MITF: variants seen among roughly 807,000 people sequenced by gnomAD.
The protein encoded by MITF is melanocyte inducing transcription factor, also known as microphthalmia-associated transcription factor.
A neutral mutation model predicts 60.5 loss-of-function variants in MITF; 17 were observed. The observed-to-expected ratio is 0.28, with a 90% confidence interval of 0.19 to 0.42. The LOEUF (loss-of-function observed/expected upper bound fraction) is 0.42. Among genes scored for constraint, MITF ranks in the 10% least tolerant of loss-of-function variants. The probability of loss-of-function intolerance (pLI) is 1.00; values close to 1 mark genes in which losing one functional copy is unlikely to be tolerated. For missense variants in MITF, 622 were observed against 683.5 expected (o/e 0.91, Z 1.00); for synonymous variants, 260 against 248.5 (o/e 1.05, Z -0.43).
intron 1 of MITF, among the ~76,000 whole-genome samples, chr3:69,793,953 G>T (rs1467606086): frequency 6.6e-6 from 1 of 152,184 alleles, no homozygotes; most frequent in African/African-American, 2.4e-5. Context: ...AATGAGGCAG[G>T]AATGCCATTT....
chr3:69,861,811 GGC>G (rs1229416108), intron 1 of MITF, among the ~76,000 whole-genome samples: 4 of 152,168 alleles, frequency 2.6e-5, no homozygotes, highest in Non-Finnish European at 4.4e-5. Flanking sequence ...GTGAGTGTGA[GGC>G]CATCTGGACA....
intron 1 of MITF, among the ~76,000 whole-genome samples, chr3:69,820,912 CGT>C (rs5849923): frequency 0.34 from 50,979 of 150,722 alleles, 9,570 homozygotes; most frequent in Non-Finnish European, 0.43. Flanking sequence ...AGCATTTACT[CGT>C]GTGTGTGTGT....
chr3:69,797,285 T>G (rs1344909219), intron 1 of MITF, among the ~76,000 whole-genome samples: 1 of 152,186 alleles, frequency 6.6e-6, no homozygotes, highest in East Asian at 1.9e-4. Context: ...GTTCTCAGAT[T>G]GTACATATTC....
At chr3:69,852,018 C>T (rs755996925) in intron 1 of MITF, among the ~76,000 whole-genome samples, 12 of 151,924 alleles carry the variant, frequency 7.9e-5, no homozygotes, top group East Asian at 1.9e-4. Context: ...CCATCTCTTT[C>T]GGCAAACATA....
intron 1 of MITF, among the ~76,000 whole-genome samples, chr3:69,842,798 C>G (rs2063663614): frequency 6.6e-6 from 1 of 152,134 alleles, no homozygotes; most frequent in Admixed American, 6.5e-5. Context: ...ATGTCAGGAG[C>G]CCAGTGTGGA....
At chr3:69,833,903 G>A (rs1575788027) in intron 1 of MITF, among the ~76,000 whole-genome samples, 1 of 152,232 alleles carries the variant, frequency 6.6e-6, no homozygotes. Flanking sequence ...GTCTGTGAGA[G>A]CAGTAGCCAT....
rs2107478808 is a variant in MITF at position 69,937,863 on chromosome 3, G to A, written c.396G>A (p.Gln132=). 2 of 1,614,082 alleles carry A rather than the reference G, an allele frequency of 1.2e-6. No individual in the cohort carries two copies. The highest frequency in any genetic ancestry group is 1.1e-5 in the South Asian group (1 of 91,076). The change falls in exon 3 of 10, where the codon CAG becomes CAA. Residue 132 remains glutamine, a synonymous_variant. Transcript: ENST00000352241. ...AAAACCCCACCAAGTACCACATACA[G>A]CAAGCCCAACGGCAGCAGGTAAAGC... ...HLENPTKYHI[Q]QAQRQQVKQY... is the part of the protein sequence containing the mutation.
chr3:69,847,224 C>A (rs1198604015), intron 1 of MITF, among the ~76,000 whole-genome samples: 1 of 152,108 alleles, frequency 6.6e-6, no homozygotes, highest in African/African-American at 2.4e-5. Flanking sequence ...TAATGTAGTA[C>A]CCATGAGCTC....
intron 1 of MITF, chr3:69,838,494 G>T (rs1423979755): frequency 6.6e-6 from 1 of 152,600 alleles, no homozygotes; most frequent in Non-Finnish European, 1.5e-5. Context: ...ATAAAAACCA[G>T]ACGCATATGT....
chr3:69,773,653 G>A (rs1303610211), intron 1 of MITF, among the ~76,000 whole-genome samples: 1 of 152,072 alleles, frequency 6.6e-6, no homozygotes, highest in Non-Finnish European at 1.5e-5. Flanking sequence ...ATTTCTCCTT[G>A]AGTATGCATA....
intron 2 of MITF, among the ~76,000 whole-genome samples, chr3:69,879,590 T>C (rs1325854807): frequency 1.3e-5 from 2 of 152,176 alleles, no homozygotes; most frequent in Non-Finnish European, 2.9e-5. Flanking sequence ...AATCAGTAAA[T>C]GGTGGGAGTC....
At chr3:69,839,602 C>T (rs375189434) in intron 1 of MITF, among the ~76,000 whole-genome samples, 2 of 152,136 alleles carry the variant, frequency 1.3e-5, no homozygotes, top group East Asian at 3.9e-4. Context: ...CTACCCACTT[C>T]GTTTCAGCTC....
intron 1 of MITF, among the ~76,000 whole-genome samples, chr3:69,823,314 G>A (rs1438675150): frequency 6.6e-6 from 1 of 152,176 alleles, no homozygotes; most frequent in East Asian, 1.9e-4. Flanking sequence ...CCATAGACTG[G>A]TAGCTTACAC....
At chr3:69,816,149 C>T (rs543366843) in intron 1 of MITF, among the ~76,000 whole-genome samples, 125 of 152,254 alleles carry the variant, frequency 8.2e-4, no homozygotes, top group African/African-American at 2.9e-3. Flanking sequence ...TTGCCCAGGA[C>T]AGTGACATCT....
chr3:69,955,089 A>C (rs1000621517), intron 7 of MITF, among the ~76,000 whole-genome samples: 2 of 152,218 alleles, frequency 1.3e-5, no homozygotes, highest in African/African-American at 4.8e-5. Flanking sequence ...AGATTTATAA[A>C]ATAGGAATGC....
chr3:69,904,946 G>C (rs947081860), intron 2 of MITF, among the ~76,000 whole-genome samples: 1 of 152,112 alleles, frequency 6.6e-6, no homozygotes, highest in African/African-American at 2.4e-5. Flanking sequence ...TTCAATAATA[G>C]CTATTTCTTA....
At chr3:69,755,433 GTTTTTTTTTTTTTTTTTTTTTT>G (rs542141862) in intron 1 of MITF, among the ~76,000 whole-genome samples, 17 of 35,426 alleles carry the variant, frequency 4.8e-4, no homozygotes, top group Admixed American at 3.2e-3. Context: ...ACCCTTCTGG[GTTTTTTTTTTTTTTTTTTTTTT>G]TTTTTTTTTT....
intron 1 of MITF, among the ~76,000 whole-genome samples, chr3:69,872,234 G>A (rs9840417): frequency 0.057 from 8,714 of 152,118 alleles, 653 homozygotes; most frequent in African/African-American, 0.17. Flanking sequence ...AAATGGCAAA[G>A]TTCATATCCT....
intron 1 of MITF, among the ~76,000 whole-genome samples, chr3:69,802,166 T>A (rs2062932231): frequency 6.6e-6 from 1 of 152,124 alleles, no homozygotes; most frequent in Non-Finnish European, 1.5e-5. Context: ...GGGCAATGTC[T>A]GGAGAGCTGT....
Sources: gnomAD v4.1 joint callset for allele counts (sites outside exome capture counted in the v4.1 genomes callset) on GRCh38, gnomAD v4.1.1 for gene constraint, MANE v1.5 for transcripts, NCBI Gene and HGNC (gene_info 2026-07-23, HGNC 2026-07-21) for gene names.